FCRL1: variants seen among roughly 807,000 people sequenced by gnomAD.
FCRL1 encodes the protein Fc receptor-like protein 1.
A neutral mutation model predicts 49.2 loss-of-function variants in FCRL1; 34 were observed. The ratio of observed to expected loss-of-function variants is 0.69; its 90% CI spans 0.53 to 0.92. The LOEUF (loss-of-function observed/expected upper bound fraction) is 0.92. Among genes scored for constraint, FCRL1 ranks in the 40% least tolerant of loss-of-function variants. The pLI is 0.00. For missense variants in FCRL1, 524 were observed against 524.1 expected (o/e 1.00, Z 0.00); for synonymous variants, 218 against 201.6 (o/e 1.08, Z -0.69).
chr1:157,802,315 C>T lies in FCRL1; in HGVS notation c.607+62G>A. 3 of 1,588,760 alleles carry T rather than the reference C, an allele frequency of 1.9e-6. No individual in the cohort carries two copies. The South Asian group carries it at 3.5e-5, about 19-fold the overall frequency. On this transcript the variant is annotated intron_variant, in intron 4 of 10. Transcript: ENST00000368176. ...CATGCCCCAGGGAAACTTTGTGTGC[C>T]CCAGGGAAATGTGGAGCCCAGTTTG...
At chr1:157,802,722 T>C (rs1652746344) in intron 3 of FCRL1, 58 bp from the exon 4 acceptor site, 3 of 1,523,864 alleles carry the variant, frequency 2.0e-6, no homozygotes, top group Non-Finnish European at 2.7e-6. Context: ...TCAAAGACAG[T>C]AAGTAGATAT....
chr1:157,807,618 A>G (rs532608114), intron 1 of FCRL1, among the ~76,000 whole-genome samples: 1 of 152,314 alleles, frequency 6.6e-6, no homozygotes, highest in Non-Finnish European at 1.5e-5. Context: ...CCTCATACTC[A>G]AGGCATAGAG....
intron 9 of FCRL1, 33 bp from the exon 10 acceptor site, chr1:157,797,165 A>G: frequency 6.2e-7 from 1 of 1,608,776 alleles, no homozygotes; most frequent in Non-Finnish European, 8.5e-7. Context: ...GTGACATTCC[A>G]CTTATATTTA....
intron 2 of FCRL1, 130 bp from the exon 3 acceptor site, chr1:157,804,241 T>G: frequency 1.9e-6 from 2 of 1,051,572 alleles, no homozygotes; most frequent in Non-Finnish European, 2.6e-6. Context: ...ACCCTACATG[T>G]CTCCACCCCC....
In FCRL1 at chr1:157,798,286, C is replaced by T. The variant is rs191594087; in HGVS notation, c.1032-43G>A. 1.3e-3 allele frequency: 1,893 copies of T among 1,477,744 alleles called. 3 individuals are homozygous for T. The highest frequency in any genetic ancestry group is 1.6e-3 in the Non-Finnish European group (1,745 of 1,073,998). The allele number at this position is 1,477,744 out of a possible 1,614,324, so 91.5% of individuals were successfully genotyped here. ...CATGTTATTTATCTGAAATTGCATCCCAGATCATGCAGATATCACACTGAA... is the reference window on the plus strand; with the variant it reads ...CATGTTATTTATCTGAAATTGCATCTCAGATCATGCAGATATCACACTGAA... On this transcript the variant is annotated intron_variant, in intron 7 of 10. Transcript: ENST00000368176.
At position 157,802,428 on chromosome 1, in the gene FCRL1, C is replaced by T. The variant is rs267598092; in HGVS notation, c.556G>A (p.Glu186Lys). 2 of 1,614,204 alleles carry T rather than the reference C, an allele frequency of 1.2e-6. No homozygotes were observed. Among genetic ancestry groups the T allele is most frequent in the Non-Finnish European group, 1.7e-6 (2 of 1,180,030 alleles). Reference protein sequence around the residue: ...SDAEQYYCVAENGYGPSPSGL... With the variant: ...SDAEQYYCVAKNGYGPSPSGL... ...CTGGGGCTGGGACCATAGCCATTTT[C>T]AGCTACACAGTAATATTGCTCAGCA... Residue 186 changes from glutamate to lysine, a missense_variant, in exon 4 of 11, where the codon GAA becomes AAA. By Grantham distance (56) the Glu-to-Lys change is moderately conservative. Transcript: ENST00000368176.
At chr1:157,797,840 G>A in intron 9 of FCRL1, 28 bp downstream of exon 9, 1 of 1,614,088 alleles carries the variant, frequency 6.2e-7, no homozygotes, top group South Asian at 1.1e-5. Context: ...ACAAAAGTCA[G>A]AGACAAATTT....
chr1:157,800,149 GTTTTCATACCCCCTGCAC>G, intron 6 of FCRL1, 64 bp from the exon 7 acceptor site: 2 of 1,530,678 alleles, frequency 1.3e-6, no homozygotes, highest in Non-Finnish European at 1.8e-6. Flanking sequence ...CACTGTCAGT[GTTTTCATACCCCCTGCAC>G]AGGGATATGC....
Position 157,803,964 on chromosome 1 carries a change from C to A in FCRL1, c.200G>T (p.Ser67Ile). The A allele has an allele frequency of 6.2e-7, 1 of 1,614,180 alleles. No individual in the cohort carries two copies. The highest frequency in any genetic ancestry group is 8.5e-7 in the Non-Finnish European group (1 of 1,180,032). The change falls in exon 3 of 11, where the codon AGC becomes ATC. Residue 67 changes from serine (S) to isoleucine (I), a missense_variant. Physicochemically the swap from Ser to Ile is moderately radical, Grantham distance 142. Transcript: ENST00000368176. Reference sequence around the variant, plus strand: ...GGCAGCGATCTGGAGCTTGGGGGAGCTGCTCCAGCCTGGGCCCAAGGCCCG... The same window carrying A: ...GGCAGCGATCTGGAGCTTGGGGGAGATGCTCCAGCCTGGGCCCAAGGCCCG... Reference protein sequence around the residue: ...DTRALGPGWSSSPKLQIAAMW... With the variant: ...DTRALGPGWSISPKLQIAAMW...
intron 10 of FCRL1, 51 bp from the exon 11 acceptor site, chr1:157,796,221 C>G (rs1249329796): frequency 7.0e-7 from 1 of 1,425,628 alleles, no homozygotes; most frequent in Non-Finnish European, 9.9e-7. Context: ...GAACATGCCT[C>G]CACTGGTCCC....
intron 1 of FCRL1, among the ~76,000 whole-genome samples, chr1:157,807,565 C>A (rs1653673845): frequency 6.6e-6 from 1 of 152,320 alleles, no homozygotes; most frequent in South Asian, 2.1e-4. Flanking sequence ...TTTGGATTGA[C>A]TCTCTCAAGG....
At chr1:157,796,988 G>A in intron 10 of FCRL1, 113 bp downstream of exon 10, 2 of 947,504 alleles carry the variant, frequency 2.1e-6, no homozygotes, top group South Asian at 2.8e-5. Flanking sequence ...ATGTAGGGAA[G>A]AGGTAGACCA....
chr1:157,811,931 C>T (rs984067516), intron 1 of FCRL1, among the ~76,000 whole-genome samples: 3 of 152,200 alleles, frequency 2.0e-5, no homozygotes, highest in African/African-American at 7.2e-5. Flanking sequence ...TCACTTGAGT[C>T]CACATGACAC....
intron 1 of FCRL1, among the ~76,000 whole-genome samples, chr1:157,817,337 C>G (rs2209557): frequency 0.44 from 66,731 of 151,720 alleles, 14,989 homozygotes; most frequent in African/African-American, 0.53. Flanking sequence ...ACACATAGAC[C>G]AATGAAACAG....
chr1:157,798,626 C>T lies in FCRL1; in HGVS notation c.1032-383G>A, dbSNP rs140350601. On this transcript the variant is annotated intron_variant, in intron 7 of 10. Coordinates refer to ENST00000368176, the MANE Select transcript of FCRL1 (RefSeq NM_052938.5). ...GCAGAAGAAAATGCTCCTTCATGTG[C>T]GGGTACCAGTGAAAAGTGCTACTCT... Among the ~76,000 whole-genome samples, 734 of 151,490 alleles carry T rather than the reference C, an allele frequency of 4.8e-3. 8 individuals are homozygous for T. The highest frequency in any genetic ancestry group is 0.017 in the African/African-American group (691 of 41,248).
At chr1:157,817,966 T>C (rs1012168409) in intron 1 of FCRL1, among the ~76,000 whole-genome samples, 1 of 152,034 alleles carries the variant, frequency 6.6e-6, no homozygotes, top group East Asian at 1.9e-4. Flanking sequence ...TATTACCCCA[T>C]ACCTATGAAA....
chr1:157,818,698 G>A (rs569239745), intron 1 of FCRL1, among the ~76,000 whole-genome samples: 25 of 152,182 alleles, frequency 1.6e-4, no homozygotes, highest in East Asian at 7.7e-4. Flanking sequence ...TGGGTATGGC[G>A]TTCTTTCTTG....
At chr1:157,797,552 A>G in intron 9 of FCRL1, 1 of 608,226 alleles carries the variant, frequency 1.6e-6, no homozygotes, top group Middle Eastern at 4.5e-4. Context: ...ATGACACCTT[A>G]TTGTAACTAC....
chr1:157,797,749 T>C (rs1262356047), intron 9 of FCRL1, 119 bp downstream of exon 9: 1 of 1,582,038 alleles, frequency 6.3e-7, no homozygotes, highest in South Asian at 1.1e-5. Context: ...GTACACACAG[T>C]GATGCTCACA....
Sources: allele counts gnomAD v4.1 joint callset (sites outside exome capture counted in the v4.1 genomes callset), GRCh38; gene constraint gnomAD v4.1.1; transcripts MANE v1.5; gene names NCBI Gene and HGNC (gene_info 2026-07-23, HGNC 2026-07-21).